Variants in TFEB observed in about 807,000 individuals in gnomAD.
TFEB encodes the protein T-cell transcription factor EB.
TFEB carries 12 observed loss-of-function variants against 48.0 expected under a neutral mutation model. The observed-to-expected ratio is 0.25, with a 90% confidence interval of 0.16 to 0.40. The LOEUF (loss-of-function observed/expected upper bound fraction) is 0.40. Among genes scored for constraint, TFEB ranks in the 10% least tolerant of loss-of-function variants. The pLI is 1.00. For missense variants in TFEB, 509 were observed against 640.3 expected (o/e 0.79, Z 2.21); for synonymous variants, 244 against 261.4 (o/e 0.93, Z 0.64).
chr6:41,714,191 A>ATGCATGTGCG (rs1282765883), intron 1 of TFEB, among the ~76,000 whole-genome samples: 1 of 149,670 alleles, frequency 6.7e-6, no homozygotes, highest in Non-Finnish European at 1.5e-5. Flanking sequence ...GTGCATGTGC[A>ATGCATGTGCG]TGCATGTGCG....
chr6:41,689,672 C>G, intron 4 of TFEB, 59 bp downstream of exon 4: 2 of 1,385,836 alleles, frequency 1.4e-6, no homozygotes, highest in South Asian at 1.2e-5. Flanking sequence ...CTCAGAGCCA[C>G]AGTGGGTGCC....
chr6:41,709,378 G>A (rs1371868210), intron 1 of TFEB, among the ~76,000 whole-genome samples: 2 of 152,190 alleles, frequency 1.3e-5, no homozygotes, highest in African/African-American at 4.8e-5. Flanking sequence ...TTTCTGTAAG[G>A]ATTAAACATA....
intron 1 of TFEB, among the ~76,000 whole-genome samples, chr6:41,698,362 G>T (rs1288119203): frequency 6.6e-6 from 1 of 152,232 alleles, no homozygotes; most frequent in African/African-American, 2.4e-5. Context: ...CACTGAAGAA[G>T]CCTCCCTGCG....
intron 1 of TFEB, chr6:41,733,872 C>T: frequency 1.0e-6 from 1 of 985,892 alleles, no homozygotes; most frequent in South Asian, 4.7e-5. Context: ...AGAAGGAAAC[C>T]AGAGACCAGC....
intron 1 of TFEB, among the ~76,000 whole-genome samples, chr6:41,711,670 G>A (rs1770482427): frequency 6.6e-6 from 1 of 152,222 alleles, no homozygotes; most frequent in Non-Finnish European, 1.5e-5. Context: ...TGGGCTGTTG[G>A]AGAAGGGAGG....
chr6:41,686,041 C>T (rs368238418), intron 8 of TFEB, 49 bp downstream of exon 8: 2 of 1,611,054 alleles, frequency 1.2e-6, no homozygotes, highest in African/African-American at 2.7e-5. Flanking sequence ...GGGCCAGGAG[C>T]CAGGTTAAGG....
At chr6:41,685,123 C>G in intron 8 of TFEB, 45 bp from the exon 9 acceptor site, 1 of 1,388,018 alleles carries the variant, frequency 7.2e-7, no homozygotes. Context: ...CCTATGGGCA[C>G]CAGCCACCAG....
intron 1 of TFEB, among the ~76,000 whole-genome samples, chr6:41,709,529 G>GTGGATGGATGGATGGATGGA (rs10604830): frequency 1.0e-4 from 15 of 149,448 alleles, no homozygotes; most frequent in Middle Eastern, 6.8e-3. Context: ...ATAATGGTTG[G>GTGGATGGATGGATGGATGGA]TGGATGGATG....
intron 7 of TFEB, chr6:41,686,559 G>A (rs943292332): frequency 1.1e-5 from 3 of 264,472 alleles, no homozygotes; most frequent in East Asian, 1.5e-4. Context: ...TGCCCAGGCT[G>A]GAATGCAGTG....
rs1394752654 is a variant in TFEB, at chr6:41,724,639, C to G, written c.-23+10711G>C. Among the ~76,000 whole-genome samples, 3 of 152,202 alleles carry G rather than the reference C, an allele frequency of 2.0e-5. No homozygotes were observed. The highest frequency in any genetic ancestry group is 7.2e-5 in the African/African-American group (3 of 41,446). ...GCTCCCGCCCCTTGCCGCCCGAGAC[C>G]TGCAATGGGGCCTCAGATAAGGAAC... is the stretch of plus-strand genomic sequence containing the variant. On this transcript the variant is annotated intron_variant, in intron 1 of 8. Coordinates refer to ENST00000373033, the MANE Select transcript of TFEB (RefSeq NM_001271944.2). The surrounding 1 kb of genome is among the most constrained non-coding windows in gnomAD (Gnocchi z 4.4).
chr6:41,706,150 C>T (rs1770208843), intron 1 of TFEB, among the ~76,000 whole-genome samples: 1 of 152,240 alleles, frequency 6.6e-6, no homozygotes, highest in South Asian at 2.1e-4. Flanking sequence ...AGGACAGGGG[C>T]CTCAGCATGG....
At chr6:41,725,255 T>C (rs912793065) in intron 1 of TFEB, among the ~76,000 whole-genome samples, 6 of 152,152 alleles carry the variant, frequency 3.9e-5, no homozygotes, top group African/African-American at 1.4e-4. Flanking sequence ...CATTTTAAGA[T>C]GTTTAGTGGT....
At chr6:41,700,155 T>C (rs908850624) in intron 1 of TFEB, among the ~76,000 whole-genome samples, 10 of 152,254 alleles carry the variant, frequency 6.6e-5, no homozygotes, top group African/African-American at 2.4e-4. Flanking sequence ...AACCCCTATT[T>C]GTGATGAATA....
chr6:41,709,082 G>T (rs932259956), intron 1 of TFEB, among the ~76,000 whole-genome samples: 15 of 152,196 alleles, frequency 9.9e-5, no homozygotes, highest in African/African-American at 3.6e-4. Context: ...ATTGCCTTCT[G>T]CCCCCAGGCT....
At chr6:41,711,096 C>G (rs1157239522) in intron 1 of TFEB, among the ~76,000 whole-genome samples, 1 of 152,214 alleles carries the variant, frequency 6.6e-6, no homozygotes, top group African/African-American at 2.4e-5. Context: ...AACCATCTAT[C>G]AAGGATGGCT....
chr6:41,707,262 T>C (rs973200970), intron 1 of TFEB, among the ~76,000 whole-genome samples: 10 of 152,142 alleles, frequency 6.6e-5, no homozygotes, highest in Admixed American at 1.3e-4. Flanking sequence ...CCTATCCAAG[T>C]GGCGGAGTGG....
chr6:41,687,790 C>T lies in TFEB; in HGVS notation c.690G>A (p.Leu230=). The T allele has an allele frequency of 6.2e-7, 1 of 1,614,038 alleles. No homozygotes were observed. The highest frequency in any genetic ancestry group is 8.5e-7 in the Non-Finnish European group (1 of 1,179,966). The change falls in exon 6 of 9, where the codon CTG becomes CTA. Residue 230 remains leucine (L), a synonymous_variant. Coordinates refer to ENST00000373033, the MANE Select transcript of TFEB (RefSeq NM_001271944.2). ...RELTDAESRA[L]AKERQKKDNH... is the part of the protein sequence containing the mutation. Reference sequence around the variant, plus strand: ...TGTCTTTCTTCTGCCGCTCCTTGGCCAGGGCCCTGCTCTCAGCATCTGGAG... The same window carrying T: ...TGTCTTTCTTCTGCCGCTCCTTGGCTAGGGCCCTGCTCTCAGCATCTGGAG...
chr6:41,712,994 AG>A (rs1770554000), intron 1 of TFEB, among the ~76,000 whole-genome samples: 1 of 152,154 alleles, frequency 6.6e-6, no homozygotes, highest in South Asian at 2.1e-4. Context: ...CTCGCTTGCG[AG>A]GCATTTTGGA....
In TFEB at chr6:41,723,861, C is replaced by A. The variant is rs1891455; in HGVS notation, c.-23+11489G>T. 20,109 of 488,384 alleles carry A rather than the reference C, an allele frequency of 0.041. 561 individuals are homozygous for A. The highest frequency in any genetic ancestry group is 0.1 in the East Asian group (1,683 of 16,474). The allele number at this position is 488,384 out of a possible 1,614,324, so 30.3% of individuals were successfully genotyped here. Reference sequence around the variant, plus strand: ...CCTAGGCAGATGGAGAGACACAGAGCAGCAAGAATTTCGCCAGAGTCCCAA... The same window carrying A: ...CCTAGGCAGATGGAGAGACACAGAGAAGCAAGAATTTCGCCAGAGTCCCAA... On this transcript the variant is annotated intron_variant, in intron 1 of 8. Coordinates refer to ENST00000373033, the MANE Select transcript of TFEB (RefSeq NM_001271944.2). This position sits in a 1 kb window ranked among gnomAD's most constrained non-coding sequence, Gnocchi z 6.0.
Sources: allele counts gnomAD v4.1 joint callset (sites outside exome capture counted in the v4.1 genomes callset), GRCh38; gene constraint gnomAD v4.1.1; non-coding constraint Gnocchi (gnomAD v3.1); transcripts MANE v1.5; gene names NCBI Gene and HGNC (gene_info 2026-07-23, HGNC 2026-07-21).